Variants in OXR1 observed in about 807,000 individuals in gnomAD.
OXR1 encodes oxidation resistance 1.
In OXR1, 41 loss-of-function variants were observed where a neutral mutation model predicts 104.6. The observed-to-expected ratio is 0.39, with a 90% CI of 0.31 to 0.51. OXR1 has a LOEUF of 0.51. Ranked by LOEUF, OXR1 falls within the 20% of genes least tolerant of loss-of-function variation. The pLI is 0.77. For missense variants in OXR1, 955 were observed against 1,031.9 expected (o/e 0.93, Z 1.02); for synonymous variants, 348 against 348.4 (o/e 1.00, Z 0.01).
chr8:106,621,412 A>G (rs1821686278), intron 3 of OXR1, among the ~76,000 whole-genome samples: 1 of 152,002 alleles, frequency 6.6e-6, no homozygotes, highest in Admixed American at 6.6e-5. Context: ...GACGGCACCA[A>G]TTCACTCCAG....
intron 2 of OXR1, among the ~76,000 whole-genome samples, chr8:106,496,848 A>G (rs1286124442): frequency 6.6e-6 from 1 of 152,182 alleles, no homozygotes; most frequent in Non-Finnish European, 1.5e-5. Flanking sequence ...GCCATGAAGG[A>G]TCAGCTGAGA....
At chr8:106,502,937 G>T (rs562055644) in intron 2 of OXR1, among the ~76,000 whole-genome samples, 55 of 152,188 alleles carry the variant, frequency 3.6e-4, no homozygotes, top group African/African-American at 1.3e-3. Context: ...TAGAACTTCT[G>T]GCAAGGCAAA....
At chr8:106,713,081 T>C (rs1188586803) in intron 10 of OXR1, among the ~76,000 whole-genome samples, 2 of 151,990 alleles carry the variant, frequency 1.3e-5, no homozygotes, top group Non-Finnish European at 2.9e-5. Flanking sequence ...CTTTTAAATA[T>C]GTTAGCTGCC....
chr8:106,427,463 G>A (rs116881299), intron 2 of OXR1, among the ~76,000 whole-genome samples: 14 of 152,096 alleles, frequency 9.2e-5, no homozygotes, highest in African/African-American at 3.4e-4. Flanking sequence ...TGATTTTTAA[G>A]AGAATAAAAG....
At chr8:106,480,788 C>A (rs1460015517) in intron 2 of OXR1, among the ~76,000 whole-genome samples, 1 of 152,046 alleles carries the variant, frequency 6.6e-6, no homozygotes, top group South Asian at 2.1e-4. Flanking sequence ...ATAAAAAATA[C>A]CTGCCTTGCC....
intron 2 of OXR1, among the ~76,000 whole-genome samples, chr8:106,475,096 G>A (rs1821726588): frequency 6.6e-6 from 1 of 151,888 alleles, no homozygotes; most frequent in African/African-American, 2.4e-5. Context: ...CTCTTGTACA[G>A]TTGACCCTTG....
chr8:106,328,414 A>C (rs2130211351), intron 1 of OXR1, among the ~76,000 whole-genome samples: 1 of 152,376 alleles, frequency 6.6e-6, no homozygotes, highest in South Asian at 2.1e-4. Context: ...ATAAAGGGAA[A>C]GATTATGATG....
chr8:106,613,030 G>T (rs1449111115), intron 3 of OXR1, among the ~76,000 whole-genome samples: 1 of 152,130 alleles, frequency 6.6e-6, no homozygotes, highest in Non-Finnish European at 1.5e-5. Context: ...CAGGAGGCAA[G>T]TTGACTACTT....
At chr8:106,660,639 G>A (rs905772552) in intron 3 of OXR1, among the ~76,000 whole-genome samples, 1 of 152,194 alleles carries the variant, frequency 6.6e-6, no homozygotes, top group Admixed American at 6.5e-5. Flanking sequence ...TCAAGAAGGG[G>A]TGGAGGGAGT....
At chr8:106,347,029 C>T (rs1239751120) in intron 1 of OXR1, among the ~76,000 whole-genome samples, 2 of 152,092 alleles carry the variant, frequency 1.3e-5, no homozygotes, top group Non-Finnish European at 2.9e-5. Context: ...GGCGACAAAG[C>T]GAGACTCCGT....
chr8:106,584,810 T>C lies in OXR1; in HGVS notation c.220+65671T>C, dbSNP rs540903977. The stretch of plus-strand genomic sequence containing the variant: ...CATAAGGAAGAAGTGAAGGGAATCC[T>C]GCACAGGGTGATTCTAAGACAGCTA... On this transcript the variant is annotated intron_variant, in intron 3 of 16. Transcript: ENST00000517566. Among the ~76,000 whole-genome samples, 181 of 152,240 alleles carry C rather than the reference T, an allele frequency of 1.2e-3. 2 individuals are homozygous for C. Among genetic ancestry groups the C allele is most frequent in the African/African-American group, 4.1e-3 (170 of 41,568 alleles).
At chr8:106,285,687 A>T (rs750792297) in intron 1 of OXR1, among the ~76,000 whole-genome samples, 6 of 152,052 alleles carry the variant, frequency 3.9e-5, no homozygotes, top group Non-Finnish European at 7.4e-5. Flanking sequence ...ATCGTGATGC[A>T]CTTTCAAAGA....
intron 1 of OXR1, among the ~76,000 whole-genome samples, chr8:106,307,306 T>A (rs1275852666): frequency 6.6e-6 from 1 of 152,180 alleles, no homozygotes; most frequent in Non-Finnish European, 1.5e-5. Context: ...ATTTTAAAGA[T>A]GTTATGATTT....
Position 106,706,462 on chromosome 8 carries a change from G to A in OXR1, c.941G>A (p.Arg314Lys), listed in dbSNP as rs1214548471. Residue 314 changes from arginine (R) to lysine (K), a missense_variant, in exon 9 of 17, where the codon AGA becomes AAA. Physicochemically the swap from Arg to Lys is conservative, Grantham distance 26. Coordinates refer to ENST00000517566, the MANE Select transcript of OXR1 (RefSeq NM_001198533.2). ...TGSNTEEIDS[R>K]IRDAGNDSAS... ...AGTAACACTGAGGAAATAGACTCAA[G>A]AATCCGAGATGCAGGTAATGATAGT... 6.3e-7 allele frequency: 1 copy of A among 1,596,222 alleles called. No homozygotes were observed. The highest frequency in any genetic ancestry group is 2.2e-5 in the East Asian group (1 of 44,502).
intron 3 of OXR1, 64 bp from the exon 4 acceptor site, chr8:106,679,146 G>A (rs1232394976): frequency 4.3e-6 from 4 of 936,882 alleles, no homozygotes; most frequent in South Asian, 2.7e-5. Flanking sequence ...GCTCTATTCA[G>A]TAGTCCTTGA....
At chr8:106,378,601 C>G (rs1817004272) in intron 2 of OXR1, among the ~76,000 whole-genome samples, 1 of 151,984 alleles carries the variant, frequency 6.6e-6, no homozygotes, top group African/African-American at 2.4e-5. Context: ...CTTCTGACAC[C>G]CAGGTTCAAG....
intron 1 of OXR1, among the ~76,000 whole-genome samples, chr8:106,339,303 G>C (rs1815101031): frequency 6.6e-6 from 1 of 150,924 alleles, no homozygotes; most frequent in Non-Finnish European, 1.5e-5. Context: ...AGACCATCCT[G>C]GCTAACACGG....
chr8:106,696,162 G>A (rs1221937954), intron 7 of OXR1, among the ~76,000 whole-genome samples: 10 of 152,076 alleles, frequency 6.6e-5, no homozygotes, highest in East Asian at 1.9e-4. Context: ...ATTAATGGTC[G>A]TCTTACTCTC....
At chr8:106,339,519 A>AAAAAAAAAAAAAAT (rs869120573) in intron 1 of OXR1, among the ~76,000 whole-genome samples, 1 of 33,360 alleles carries the variant, frequency 3.0e-5, no homozygotes, top group Non-Finnish European at 5.3e-5. Context: ...AAAAAAAAAA[A>AAAAAAAAAAAAAAT]ATATATATAT....
Sources: gnomAD v4.1 joint callset for allele counts (sites outside exome capture counted in the v4.1 genomes callset) on GRCh38, gnomAD v4.1.1 for gene constraint, MANE v1.5 for transcripts, NCBI Gene and HGNC (gene_info 2026-07-23, HGNC 2026-07-21) for gene names.